C11orf65: variants seen among roughly 807,000 people sequenced by gnomAD.
C11orf65 encodes the protein chromosome 11 open reading frame 65, also known as protein MFI.
Under a neutral mutation model 35.3 loss-of-function variants are expected in C11orf65, and 38 were observed. The observed-to-expected ratio is 1.08, with a 90% confidence interval of 0.83 to 1.41. The LOEUF (loss-of-function observed/expected upper bound fraction) is 1.41, where lower values mean the gene tolerates loss of function less well. C11orf65 is among the 40% of genes most tolerant of loss of function. C11orf65 has a pLI of 0.00. For missense variants in C11orf65, 370 were observed against 367.1 expected, an observed-to-expected ratio of 1.01 and a Z score of -0.06; for synonymous variants, 105 against 114.4, an observed-to-expected ratio of 0.92 and a Z score of 0.53.
At chr11:108,318,667 C>T (rs541808512) in intron 6 of C11orf65, among the ~76,000 whole-genome samples, 3 of 151,742 alleles carry the variant, frequency 2.0e-5, no homozygotes, top group African/African-American at 7.3e-5. Flanking sequence ...CCAGCCTGGG[C>T]GACAGAGTGA....
intron 2 of C11orf65, chr11:108,345,683 GTA>G: frequency 7.7e-7 from 1 of 1,294,600 alleles, no homozygotes; most frequent in Non-Finnish European, 1.1e-6. Flanking sequence ...ATAAAAATGT[GTA>G]TATTAGTTTA....
chr11:108,331,175 T>G (rs2086197654), downstream of C11orf65: 1 of 1,133,816 alleles, frequency 8.8e-7, no homozygotes. Context: ...CTTAGATTTT[T>G]TGGAATATAA....
At position 108,325,425 on chromosome 11, in the gene C11orf65, A is replaced by G; in HGVS notation, c.641-16354T>C. 1 of 1,613,858 alleles carries G rather than the reference A, an allele frequency of 6.2e-7. No individual in the cohort carries two copies. The highest frequency in any genetic ancestry group is 8.5e-7 in the Non-Finnish European group (1 of 1,179,872). On this transcript the variant is annotated intron_variant, in intron 6 of 6. Coordinates refer to the C11orf65 transcript ENST00000525729. ...GCCTATCATGGCTCTACGCACAGTCATTTTGGAGATCCTGATGGAAAAGGA... is the reference window on the plus strand; with the variant it reads ...GCCTATCATGGCTCTACGCACAGTCGTTTTGGAGATCCTGATGGAAAAGGA...
chr11:108,433,783 A>G (rs929718539), intron 2 of C11orf65, among the ~76,000 whole-genome samples: 6 of 151,776 alleles, frequency 4.0e-5, no homozygotes, highest in African/African-American at 1.4e-4. Context: ...AGGAAGTTCT[A>G]TATACATTAC....
At position 108,459,726 on chromosome 11, in the gene C11orf65, TACACACACACACACACACACAC is replaced by T. The variant is rs60928526; in HGVS notation, c.81+1731_81+1752del. 8.1e-4 allele frequency among the ~76,000 whole-genome samples: 113 copies of T among 138,662 alleles called. 1 individual carries two copies. Among genetic ancestry groups the T allele is most frequent in the African/African-American group, 2.7e-3 (100 of 37,210 alleles). The allele number at this position is 138,662 out of a possible 152,430, so 91.0% of individuals were successfully genotyped here. The stretch of plus-strand genomic sequence containing the variant: ...AGAAGGTGAAAATGTGTCCTCCGTC[TACACACACACACACACACACAC>T]ACACACACACACACACACACACCTC... On this transcript the variant is annotated intron_variant, in intron 2 of 8. Transcript: ENST00000393084.
At chr11:108,365,597 G>C (rs2091269819) in intron 2 of C11orf65, 1 of 1,446,780 alleles carries the variant, frequency 6.9e-7, no homozygotes, top group South Asian at 1.3e-5. Flanking sequence ...TTTAAGTAGG[G>C]ATTAATATTT....
Position 108,405,460 on chromosome 11 carries a change from T to G in C11orf65, c.529A>C (p.Lys177Gln), listed in dbSNP as rs2092524100. The stretch of plus-strand genomic sequence containing the variant: ...CTCATCCACTCTATTTTTCTAAGTT[T>G]TCTTTTCTTTTCCAAATCTTGCCTT... ...KRRQDLEKKR[K>Q]LRKIEWMRQM... is the part of the protein sequence containing the mutation. The change falls in exon 6 of 9, where the codon AAA becomes CAA. Residue 177 changes from lysine (K) to glutamine (Q), a missense_variant. Transcript: ENST00000393084. 1.9e-6 allele frequency: 3 copies of G among 1,613,048 alleles called. No individual in the cohort carries two copies. The highest frequency in any genetic ancestry group is 2.5e-6 in the Non-Finnish European group (3 of 1,179,794).
intron 6 of C11orf65, chr11:108,312,276 T>C: frequency 1.5e-6 from 1 of 689,474 alleles, no homozygotes; most frequent in Non-Finnish European, 2.6e-6. Context: ...GGTATTATGT[T>C]TTAAAGTATA....
At chr11:108,407,309 A>G (rs934269012) in intron 3 of C11orf65, among the ~76,000 whole-genome samples, 160 bp from the exon 4 acceptor site, 2 of 151,984 alleles carry the variant, frequency 1.3e-5, no homozygotes, top group African/African-American at 2.4e-5. Context: ...AAATTAGAAA[A>G]ATTGTTAAAA....
In C11orf65 at chr11:108,382,774, C is replaced by G. The variant is rs1469883282; in HGVS notation, c.*247G>C. ...AGCTTCTTGCACCTAAATGTAGTCT[C>G]TTTACTTAAGTGTGACTGTTAGAAT... On this transcript the variant is annotated 3_prime_UTR_variant, in exon 9 of 9. Coordinates refer to ENST00000393084, the MANE Select transcript of C11orf65 (RefSeq NM_152587.5). 1 of 983,998 alleles carries G rather than the reference C, an allele frequency of 1.0e-6. No individual in the cohort carries two copies. Among genetic ancestry groups the G allele is most frequent in the East Asian group, 1.1e-4 (1 of 8,824 alleles). The allele number at this position is 983,998 out of a possible 1,614,324, so 61.0% of individuals were successfully genotyped here.
rs1282099124 is a variant in C11orf65 at position 108,326,163 on chromosome 11, C to G, written c.641-17092G>C. The G allele has an allele frequency of 6.2e-7, 1 of 1,614,120 alleles. No homozygotes were observed. The highest frequency in any genetic ancestry group is 8.5e-7 in the Non-Finnish European group (1 of 1,180,016). ...ACAAGTATTCTGGGCAAAAAAGGAGCAGAGTCTTGCCCTGAGTATTCTCAA... is the reference window on the plus strand; with the variant it reads ...ACAAGTATTCTGGGCAAAAAAGGAGGAGAGTCTTGCCCTGAGTATTCTCAA... On this transcript the variant is annotated intron_variant, in intron 6 of 6. Coordinates refer to the C11orf65 transcript ENST00000525729.
intron 3 of C11orf65, among the ~76,000 whole-genome samples, chr11:108,334,357 A>C (rs1053952138): frequency 6.6e-6 from 1 of 152,198 alleles, no homozygotes; most frequent in Non-Finnish European, 1.5e-5. Context: ...GTGATATATC[A>C]CAGTATTAAG....
At position 108,407,132 on chromosome 11, in the gene C11orf65, A is replaced by C; in HGVS notation, c.192T>G (p.Ala64=). The C allele has an allele frequency of 6.2e-7, 1 of 1,607,476 alleles. No individual in the cohort carries two copies. Among genetic ancestry groups the C allele is most frequent in the Non-Finnish European group, 8.5e-7 (1 of 1,175,508 alleles). The change falls in exon 4 of 9, where the codon GCT becomes GCG. Residue 64 remains alanine, a synonymous_variant. Transcript: ENST00000393084. ...TGAATCGCACATGAATGCCAGCAGC[A>C]GCATCTAGAAGCTCTGCCTATAAGA... ...INPKEAELLD[A]AAGIHVRFRL...
intron 3 of C11orf65, among the ~76,000 whole-genome samples, chr11:108,424,836 C>G (rs975894368): frequency 6.6e-6 from 1 of 152,188 alleles, no homozygotes; most frequent in Non-Finnish European, 1.5e-5. Flanking sequence ...CAAATTAGAA[C>G]TCCGGATTTT....
At chr11:108,374,529 G>C (rs2091666351) in intron 2 of C11orf65, among the ~76,000 whole-genome samples, 2 of 152,160 alleles carry the variant, frequency 1.3e-5, no homozygotes, top group Non-Finnish European at 2.9e-5. Flanking sequence ...AAACCACAAA[G>C]ATGGGGAAAA....
At chr11:108,355,613 C>T (rs529188293) in intron 2 of C11orf65, 2 of 152,396 alleles carry the variant, frequency 1.3e-5, no homozygotes, top group South Asian at 2.1e-4. Flanking sequence ...TTTTCCACTA[C>T]TCAGCTTTTC....
downstream of C11orf65, chr11:108,327,761 A>G (rs1565524203): frequency 1.2e-6 from 2 of 1,609,546 alleles, no homozygotes; most frequent in South Asian, 1.1e-5. Context: ...TAGAAAAGGT[A>G]AGATTTTTGG....
intron 3 of C11orf65, among the ~76,000 whole-genome samples, chr11:108,412,391 G>A (rs1591499072): frequency 6.6e-6 from 1 of 151,860 alleles, no homozygotes; most frequent in East Asian, 1.9e-4. Flanking sequence ...AACTTTAAAT[G>A]TCAATGATCT....
rs192897115 is a variant in C11orf65 at position 108,389,959 on chromosome 11, G to A, written c.731+3249C>T. 5.6e-3 allele frequency among the ~76,000 whole-genome samples: 850 copies of A among 151,306 alleles called. 8 individuals are homozygous for A. The highest frequency in any genetic ancestry group is 0.02 in the African/African-American group (805 of 41,276). On this transcript the variant is annotated intron_variant, in intron 7 of 8. Transcript: ENST00000393084. ...TCCGCCCTCCTCAGCCTCCCAAAGC[G>A]CTGGGATTACAGGCATGAGCCACCT...
Sources: allele counts gnomAD v4.1 joint callset (sites outside exome capture counted in the v4.1 genomes callset), GRCh38; gene constraint gnomAD v4.1.1; transcripts MANE v1.5; gene names NCBI Gene and HGNC (gene_info 2026-07-23, HGNC 2026-07-21).